Variants in PLA2G4E observed in about 807,000 individuals in gnomAD.
PLA2G4E encodes phospholipase A2 group IVE.
In PLA2G4E, 84 loss-of-function variants were observed where a neutral mutation model predicts 109.1. That is an observed-to-expected ratio of 0.77 (90% CI 0.65 to 0.92). The LOEUF (loss-of-function observed/expected upper bound fraction) is 0.92, where lower values mean the gene tolerates loss of function less well. Among genes scored for constraint, PLA2G4E ranks in the 40% least tolerant of loss-of-function variants. PLA2G4E has a pLI of 0.00. For synonymous variants in PLA2G4E, 469 were observed against 436.1 expected (o/e 1.08, Z -0.94); for missense variants, 1,057 against 1,076.6 (o/e 0.98, Z 0.25).
chr15:41,999,510 T>C lies in PLA2G4E; in HGVS notation c.974+14A>G, dbSNP rs750801241. On this transcript the variant is annotated intron_variant, in intron 10 of 19. Transcript: ENST00000399518. ...GAATAAGTGAGAGGCACGGACAGAATGCGGGTACTATACCAGGGTGTAGAC... is the reference window on the plus strand; with the variant it reads ...GAATAAGTGAGAGGCACGGACAGAACGCGGGTACTATACCAGGGTGTAGAC... The C allele has an allele frequency of 1.3e-6, 2 of 1,572,960 alleles. No homozygotes were observed. Among genetic ancestry groups the C allele is most frequent in the South Asian group, 1.1e-5 (1 of 89,924 alleles).
At chr15:42,004,859 C>A (rs764094357) in intron 5 of PLA2G4E, 79 bp downstream of exon 5, 5 of 1,532,076 alleles carry the variant, frequency 3.3e-6, no homozygotes, top group Non-Finnish European at 3.6e-6. Context: ...AAAAGGCCGA[C>A]CTGCCTCTGA....
At position 42,007,882 on chromosome 15, in the gene PLA2G4E, A is replaced by G; in HGVS notation, c.257-17T>C. ...TCTGGCTCACTGTCCAAGAAAGATA[A>G]GTGGAACCAATCCAGGTTCAGAGAG... On this transcript the variant is annotated splice_polypyrimidine_tract_variant and intron_variant, in intron 2 of 19. Transcript: ENST00000399518. The G allele has an allele frequency of 6.3e-7, 1 of 1,591,054 alleles. No individual in the cohort carries two copies. The highest frequency in any genetic ancestry group is 1.1e-5 in the South Asian group (1 of 87,578).
At chr15:41,998,798 A>G (rs1326561636) in intron 10 of PLA2G4E, 1 of 152,258 alleles carries the variant, frequency 6.6e-6, no homozygotes, top group Non-Finnish European at 1.5e-5. Context: ...GCACGCTTGT[A>G]ATCCCAGCAC....
In PLA2G4E at chr15:42,037,877, C is replaced by G. The variant is rs1419753115; in HGVS notation, c.183+12644G>C. On this transcript the variant is annotated intron_variant, in intron 1 of 19. Transcript: ENST00000399518. The stretch of plus-strand genomic sequence containing the variant: ...GCAGCTGGCATGTAGCCAGACCCCA[C>G]GTTTGCTCACACACCCATTGCTGCT... Among the ~76,000 whole-genome samples the G allele has an allele frequency of 3.3e-5, 5 of 152,348 alleles. No individual in the cohort carries two copies. In the South Asian group the frequency reaches 8.3e-4, roughly 25 times the overall value.
chr15:42,038,493 G>A (rs558280984), intron 1 of PLA2G4E, among the ~76,000 whole-genome samples: 10 of 152,324 alleles, frequency 6.6e-5, no homozygotes, highest in South Asian at 2.1e-4. Flanking sequence ...CACAAGGAGC[G>A]TGCAACCTAG....
chr15:42,040,134 A>G (rs1406208871), intron 1 of PLA2G4E, among the ~76,000 whole-genome samples: 2 of 151,990 alleles, frequency 1.3e-5, no homozygotes, highest in African/African-American at 4.8e-5. Context: ...CCAGGAGTTC[A>G]AGACCAGTTT....
At chr15:41,999,851 C>T in intron 9 of PLA2G4E, 66 bp downstream of exon 9, 1 of 1,480,152 alleles carries the variant, frequency 6.8e-7, no homozygotes, top group Non-Finnish European at 9.3e-7. Context: ...AGGCTCTCCC[C>T]ACCTCCCTAC....
intron 3 of PLA2G4E, among the ~76,000 whole-genome samples, chr15:42,007,043 C>T (rs77213649): frequency 0.012 from 1,854 of 152,242 alleles, 14 homozygotes; most frequent in Middle Eastern, 0.037. Context: ...TGAAAAGATA[C>T]GTCACGTAAC....
At chr15:42,001,503 A>C (rs971939844) in intron 6 of PLA2G4E, among the ~76,000 whole-genome samples, 3 of 152,120 alleles carry the variant, frequency 2.0e-5, no homozygotes, top group African/African-American at 7.2e-5. Flanking sequence ...CGGGAATCTG[A>C]CCTGAGGGAA....
intron 2 of PLA2G4E, 38 bp from the exon 3 acceptor site, chr15:42,007,903 G>A: frequency 6.4e-7 from 1 of 1,572,826 alleles, no homozygotes; most frequent in Non-Finnish European, 8.6e-7. Context: ...TCCAGGTTCA[G>A]AGAGAACATG....
intron 1 of PLA2G4E, among the ~76,000 whole-genome samples, chr15:42,020,076 A>T (rs1331558542): frequency 6.6e-6 from 1 of 152,216 alleles, no homozygotes; most frequent in African/African-American, 2.4e-5. Context: ...GGCAGTGTCT[A>T]CCTGGCTGGG....
intron 1 of PLA2G4E, among the ~76,000 whole-genome samples, chr15:42,041,856 AG>A (rs1011989720): frequency 1.5e-4 from 23 of 152,220 alleles, no homozygotes; most frequent in African/African-American, 5.3e-4. Context: ...TGCTCCTGAC[AG>A]GGCAGATGCA....
chr15:42,036,207 C>A (rs890281757), intron 1 of PLA2G4E, among the ~76,000 whole-genome samples: 1 of 152,160 alleles, frequency 6.6e-6, no homozygotes, highest in Non-Finnish European at 1.5e-5. Flanking sequence ...GGGAGGAGGC[C>A]GACAGCCTCC....
chr15:42,009,472 T>A (rs2068510392), intron 2 of PLA2G4E, among the ~76,000 whole-genome samples: 1 of 152,168 alleles, frequency 6.6e-6, no homozygotes, highest in African/African-American at 2.4e-5. Flanking sequence ...CACAAGGAGC[T>A]TTTTAGATAT....
intron 1 of PLA2G4E, among the ~76,000 whole-genome samples, chr15:42,034,214 A>T (rs976974351): frequency 6.6e-6 from 1 of 152,242 alleles, no homozygotes; most frequent in Non-Finnish European, 1.5e-5. Context: ...GGATGATCAG[A>T]TCACTTATTT....
chr15:41,981,765 T>G (rs1418916925), exon 20 of PLA2G4E: 1 of 152,266 alleles, frequency 6.6e-6, no homozygotes, highest in East Asian at 1.9e-4. Flanking sequence ...AAAGAAAAGA[T>G]GTCAAAGTGG....
exon 1 of PLA2G4E, chr15:42,050,693 T>C (rs1889491760): frequency 6.5e-7 from 1 of 1,550,154 alleles, no homozygotes; most frequent in Non-Finnish European, 8.7e-7. Flanking sequence ...TTCCGAGGCC[T>C]GGAGACTCAT....
rs570658376 is a variant in PLA2G4E at position 42,021,551 on chromosome 15, A to C, written c.184-7794T>G. On this transcript the variant is annotated intron_variant, in intron 1 of 19. Coordinates refer to ENST00000399518, the Ensembl canonical transcript of PLA2G4E. ...CCAGGGTCAGTGCTCCCAAAGCTAG[A>C]GGGTGAAGAAAGAAAATAATTGCCC... 1.2e-4 allele frequency among the ~76,000 whole-genome samples: 19 copies of C among 152,110 alleles called. No homozygotes were observed. The East Asian group carries it at 3.5e-3, about 28-fold the overall frequency.
At chr15:42,013,645 C>T in intron 2 of PLA2G4E, 40 bp downstream of exon 2, 1 of 1,472,594 alleles carries the variant, frequency 6.8e-7, no homozygotes, top group Non-Finnish European at 9.1e-7. Context: ...CCATCCAGAT[C>T]CGGTAAGCAG....
Sources: allele counts gnomAD v4.1 joint callset (sites outside exome capture counted in the v4.1 genomes callset), GRCh38; gene constraint gnomAD v4.1.1; transcripts MANE v1.5; gene names NCBI Gene and HGNC (gene_info 2026-07-23, HGNC 2026-07-21).